The following FNIP2 variants were observed in gnomAD, a reference collection of about 807,000 sequenced individuals.
The protein encoded by FNIP2 is folliculin interacting protein 2, also known as folliculin-interacting protein 2.
FNIP2 carries 32 observed loss-of-function variants against 108.7 expected under a neutral mutation model. That is an observed-to-expected ratio of 0.29 (90% CI 0.22 to 0.40). FNIP2 has a LOEUF of 0.40. Ranked by LOEUF, FNIP2 falls within the 10% of genes least tolerant of loss-of-function variation. The probability of loss-of-function intolerance (pLI) is 1.00; values close to 1 mark genes in which losing one functional copy is unlikely to be tolerated. For missense variants in FNIP2, 1,202 were observed against 1,381.6 expected, an observed-to-expected ratio of 0.87 and a Z score of 2.06; for synonymous variants, 480 against 496.7, an observed-to-expected ratio of 0.97 and a Z score of 0.45.
At chr4:158,855,862 A>ATTGCTTCTGGCT (rs1358362188) in intron 8 of FNIP2, among the ~76,000 whole-genome samples, 3 of 152,212 alleles carry the variant, frequency 2.0e-5, no homozygotes, top group Non-Finnish European at 4.4e-5. Context: ...AAACACTATG[A>ATTGCTTCTGGCT]TTGCTTCTGG....
chr4:158,881,577 A>C (rs1385347461), intron 14 of FNIP2, among the ~76,000 whole-genome samples: 2 of 152,036 alleles, frequency 1.3e-5, no homozygotes, highest in Non-Finnish European at 2.9e-5. Context: ...CAGCCTGCCA[A>C]GTGCCTGTGA....
chr4:158,890,404 T>C, intron 14 of FNIP2: 4 of 942,626 alleles, frequency 4.2e-6, no homozygotes, highest in Non-Finnish European at 3.8e-6. Flanking sequence ...TTTTCATTCA[T>C]CTCACCACTC....
chr4:158,901,390 A>T (rs539384952), intron 16 of FNIP2, among the ~76,000 whole-genome samples: 1 of 152,060 alleles, frequency 6.6e-6, no homozygotes. Context: ...CTTTGTGGGT[A>T]ACCTGACCTC....
In FNIP2 at chr4:158,859,233, A is replaced by T; in HGVS notation, c.1034A>T (p.Asn345Ile). The change falls in exon 9 of 17, where the codon AAC (asparagine) becomes ATC (isoleucine). Residue 345 changes from asparagine (N) to isoleucine (I), a missense_variant. This residue lies in a region of FNIP2 where 878 missense variants were observed against 990.3 expected (regional missense o/e 0.89). Transcript: ENST00000264433. ...TTTCCCCTGTTTGAATCTCACATGA[A>T]CAGGCTGAAGAGTGCAATTGAAAAG... ...SHFPLFESHM[N>I]RLKSAIEKAM... The T allele has an allele frequency of 1.2e-6, 2 of 1,610,354 alleles. No individual in the cohort carries two copies. Among genetic ancestry groups the T allele is most frequent in the Non-Finnish European group, 1.7e-6 (2 of 1,177,904 alleles).
intron 1 of FNIP2, chr4:158,808,656 G>C (rs1052572319): frequency 2.0e-5 from 3 of 152,184 alleles, no homozygotes; most frequent in African/African-American, 7.2e-5. Context: ...TGCACTGAAG[G>C]ACCTGGCTCC....
At chr4:158,891,005 G>A (rs1304592986) in intron 14 of FNIP2, among the ~76,000 whole-genome samples, 1 of 152,160 alleles carries the variant, frequency 6.6e-6, no homozygotes, top group Non-Finnish European at 1.5e-5. Context: ...AATTCGGATG[G>A]ATTTATTGGA....
Position 158,829,079 on chromosome 4 carries a change from A to G in FNIP2, c.235A>G (p.Lys79Glu). Residue 79 changes from lysine to glutamate, a missense_variant and splice_region_variant, in exon 3 of 17, where the codon AAA (lysine) becomes GAA (glutamate). Physicochemically the swap from Lys to Glu is moderately conservative, Grantham distance 56. Coordinates refer to ENST00000264433, the MANE Select transcript of FNIP2 (RefSeq NM_020840.3). ...VQKIEEVTAQ[K>E]TEDVPIKISA... Reference sequence around the variant, plus strand: ...ACCTTGCCTGTCTCTCTTAACCTAGAAAACAGAGGATGTTCCTATTAAAAT... The same window carrying G: ...ACCTTGCCTGTCTCTCTTAACCTAGGAAACAGAGGATGTTCCTATTAAAAT... The G allele has an allele frequency of 2.5e-6, 4 of 1,604,082 alleles. No individual in the cohort carries two copies. The highest frequency in any genetic ancestry group is 3.4e-6 in the Non-Finnish European group (4 of 1,175,026).
In FNIP2 at chr4:158,868,801, G is replaced by A; in HGVS notation, c.2165G>A (p.Gly722Glu). The A allele has an allele frequency of 2.5e-6, 4 of 1,613,726 alleles. No individual in the cohort carries two copies. The highest frequency in any genetic ancestry group is 3.4e-6 in the Non-Finnish European group (4 of 1,179,886). The change falls in exon 13 of 17, where the codon GGA becomes GAA. Residue 722 changes from glycine (G) to glutamate (E), a missense_variant. Gly to Glu is a moderately conservative substitution (Grantham distance 98). Coordinates refer to ENST00000264433, the MANE Select transcript of FNIP2 (RefSeq NM_020840.3). This position sits in a 1 kb window ranked among gnomAD's most constrained non-coding sequence, Gnocchi z 4.6. ...PSLEKVTFQI[G>E]SFASPESDFE... Reference sequence around the variant, plus strand: ...TTAGAAAAGGTCACTTTCCAGATTGGAAGCTTTGCATCTCCAGAGTCTGAC... The same window carrying A: ...TTAGAAAAGGTCACTTTCCAGATTGAAAGCTTTGCATCTCCAGAGTCTGAC...
chr4:158,774,085 G>T (rs1775782745), intron 1 of FNIP2, among the ~76,000 whole-genome samples: 1 of 152,084 alleles, frequency 6.6e-6, no homozygotes. Context: ...TCACCACTGT[G>T]CAATCTATGC....
chr4:158,870,436 G>A lies in FNIP2; in HGVS notation c.2916G>A (p.Gln972=), dbSNP rs1357124930. 1.9e-5 allele frequency: 31 copies of A among 1,613,734 alleles called. No homozygotes were observed. Among genetic ancestry groups the A allele is most frequent in the Non-Finnish European group, 2.5e-5 (30 of 1,179,798 alleles). ...CCGGCAGTGATGAGAAGCTGAAGCA[G>A]TGCCTGGTGGCCGACCTTGTCCACA... ...HGTGSDEKLK[Q]CLVADLVHTV... The change falls in exon 14 of 17, where the codon CAG becomes CAA. Residue 972 remains glutamine, a synonymous_variant. Coordinates refer to ENST00000264433, the MANE Select transcript of FNIP2 (RefSeq NM_020840.3).
rs545538836 is a variant in FNIP2, at chr4:158,907,615, C to T, written c.*3071C>T. On this transcript the variant is annotated 3_prime_UTR_variant, in exon 17 of 17. Transcript: ENST00000264433. ...AATTCTTTTAAAGTCTGGATTTTTC[C>T]GCTAATATGTACTTTAGAGAATATT... is the stretch of plus-strand genomic sequence containing the variant. The T allele has an allele frequency of 2.8e-4, 43 of 152,080 alleles. No individual in the cohort carries two copies. Among genetic ancestry groups the T allele is most frequent in the Non-Finnish European group, 5.1e-4 (35 of 67,984 alleles). The allele number at this position is 152,080 out of a possible 1,614,324, so 9.4% of individuals were successfully genotyped here. A position where few individuals can be genotyped will look rare whatever the true frequency, so the allele number is the denominator to read the frequency against.
intron 14 of FNIP2, among the ~76,000 whole-genome samples, chr4:158,890,618 T>C (rs1038989081): frequency 6.6e-6 from 1 of 152,222 alleles, no homozygotes; most frequent in African/African-American, 2.4e-5. Context: ...GGTTCTTTGT[T>C]GCAATTAGCA....
intron 14 of FNIP2, among the ~76,000 whole-genome samples, chr4:158,878,872 A>G (rs1781428680): frequency 6.6e-6 from 1 of 151,272 alleles, no homozygotes; most frequent in Non-Finnish European, 1.5e-5. Context: ...TGTAAGAACT[A>G]AAAACAACTT....
intron 15 of FNIP2, among the ~76,000 whole-genome samples, chr4:158,894,530 T>C (rs1782514422): frequency 6.6e-6 from 1 of 152,184 alleles, no homozygotes; most frequent in Non-Finnish European, 1.5e-5. Context: ...AGACCACAGT[T>C]CTTATTTCCA....
At chr4:158,808,917 C>T (rs1364731686) in intron 1 of FNIP2, among the ~76,000 whole-genome samples, 1 of 152,134 alleles carries the variant, frequency 6.6e-6, no homozygotes. Flanking sequence ...CAGTGTAAAA[C>T]AGACGGAAAC....
chr4:158,887,084 A>G (rs558942971), intron 14 of FNIP2, among the ~76,000 whole-genome samples: 11 of 152,310 alleles, frequency 7.2e-5, no homozygotes, highest in African/African-American at 2.2e-4. Flanking sequence ...GGGTACAGGC[A>G]TGCCCCACCT....
At chr4:158,852,779 T>C (rs1779772556) in intron 8 of FNIP2, among the ~76,000 whole-genome samples, 1 of 152,242 alleles carries the variant, frequency 6.6e-6, no homozygotes, top group Non-Finnish European at 1.5e-5. Context: ...GCTTCTGTGA[T>C]TGGAAGAGAT....
chr4:158,773,418 T>C (rs1015612671), intron 1 of FNIP2, among the ~76,000 whole-genome samples: 2 of 152,210 alleles, frequency 1.3e-5, no homozygotes, highest in Non-Finnish European at 2.9e-5. Context: ...CTGCCTCATG[T>C]ACCATGTTGA....
intron 1 of FNIP2, among the ~76,000 whole-genome samples, chr4:158,787,358 T>G (rs1298683134): frequency 6.6e-6 from 1 of 152,238 alleles, no homozygotes; most frequent in Non-Finnish European, 1.5e-5. Flanking sequence ...AGGTGCATAC[T>G]GGTTAAACGT....
Sources: gnomAD v4.1 joint callset for allele counts (sites outside exome capture counted in the v4.1 genomes callset) on GRCh38, gnomAD v4.1.1 for gene constraint, gnomAD v4.1.1 regional missense constraint, Gnocchi (gnomAD v3.1) non-coding constraint, MANE v1.5 for transcripts, NCBI Gene and HGNC (gene_info 2026-07-23, HGNC 2026-07-21) for gene names.